The following ZNF251 variants were observed in gnomAD, a reference collection of about 807,000 sequenced individuals.
ZNF251 encodes zinc finger protein 251.
In ZNF251, 14 loss-of-function variants were observed where a neutral mutation model predicts 13.5. The ratio of observed to expected loss-of-function variants is 1.04; its 90% CI spans 0.69 to 1.63. ZNF251 has a LOEUF of 1.63. ZNF251 is among the 40% of genes most tolerant of loss of function. The pLI, the probability that ZNF251 is intolerant of heterozygous loss-of-function variation, is 0.00. For synonymous variants in ZNF251, 287 were observed against 295.2 expected, an observed-to-expected ratio of 0.97 and a Z score of 0.28; for missense variants, 764 against 834.9, an observed-to-expected ratio of 0.92 and a Z score of 1.05.
intron 4 of ZNF251, among the ~76,000 whole-genome samples, chr8:144,741,233 G>C (rs1214772875): frequency 6.6e-6 from 1 of 152,256 alleles, no homozygotes; most frequent in African/African-American, 2.4e-5. Context: ...CCCTGGGACA[G>C]GCCAACACAC....
chr8:144,748,692 C>A (rs1346707295), intron 4 of ZNF251, among the ~76,000 whole-genome samples: 1 of 152,134 alleles, frequency 6.6e-6, no homozygotes, highest in African/African-American at 2.4e-5. Context: ...TCTTGAGTAG[C>A]TGAGACTTAT....
intron 4 of ZNF251, among the ~76,000 whole-genome samples, chr8:144,738,302 A>G (rs1424312829): frequency 6.6e-6 from 1 of 152,186 alleles, no homozygotes; most frequent in African/African-American, 2.4e-5. Flanking sequence ...GAGCAGCTCA[A>G]TATGCCCCGT....
intron 4 of ZNF251, among the ~76,000 whole-genome samples, chr8:144,735,625 G>A (rs1355425026): frequency 6.6e-6 from 1 of 152,134 alleles, no homozygotes; most frequent in South Asian, 2.1e-4. Flanking sequence ...CGGGTGGGAA[G>A]GACGGGCGCA....
chr8:144,729,082 A>G (rs553341197), intron 4 of ZNF251, among the ~76,000 whole-genome samples: 1 of 118,372 alleles, frequency 8.4e-6, no homozygotes, highest in South Asian at 2.9e-4. Flanking sequence ...GCAAGACTCC[A>G]TCTATGGAAA....
chr8:144,752,228 C>T (rs1270549964), intron 4 of ZNF251, among the ~76,000 whole-genome samples: 1 of 151,700 alleles, frequency 6.6e-6, no homozygotes, highest in Non-Finnish European at 1.5e-5. Context: ...ATCTAACCCC[C>T]AAATGGCAGA....
chr8:144,746,556 G>A (rs971087885), intron 4 of ZNF251, among the ~76,000 whole-genome samples: 1 of 152,278 alleles, frequency 6.6e-6, no homozygotes, highest in Middle Eastern at 3.4e-3. Context: ...AGATTATAGA[G>A]AACTGGTATA....
chr8:144,755,120 G>A, intron 1 of ZNF251: 1 of 1,219,418 alleles, frequency 8.2e-7, no homozygotes, highest in Non-Finnish European at 1.0e-6. Context: ...AGAGCCACGT[G>A]AGGGTGCAGC....
chr8:144,737,753 AC>A (rs1348523768), intron 4 of ZNF251, among the ~76,000 whole-genome samples: 1 of 144,214 alleles, frequency 6.9e-6, no homozygotes, highest in Non-Finnish European at 1.5e-5. Flanking sequence ...AATGGCGTGA[AC>A]CCGGGAGGCA....
rs562753604 is a variant in ZNF251, at chr8:144,733,862, C to T, written c.278-10480G>A. 3.3e-5 allele frequency among the ~76,000 whole-genome samples: 5 copies of T among 152,354 alleles called. No homozygotes were observed. The East Asian group carries it at 9.6e-4, about 29-fold the overall frequency. ...AAGAAAAAAAGAAAAAACCCTGGAA[C>T]AGCTAACACCGTTGCTGGGAGGGAG... is the stretch of plus-strand genomic sequence containing the variant. On this transcript the variant is annotated intron_variant, in intron 4 of 4. Coordinates refer to ENST00000292562, the MANE Select transcript of ZNF251 (RefSeq NM_138367.2).
intron 4 of ZNF251, among the ~76,000 whole-genome samples, chr8:144,726,354 C>A (rs1021313162): frequency 6.6e-6 from 1 of 151,372 alleles, no homozygotes; most frequent in Non-Finnish European, 1.5e-5. Context: ...GCCAACATGG[C>A]AAAACCCCGT....
rs554745065 is a variant in ZNF251, at chr8:144,727,853, C to T, written c.278-4471G>A. ...TTTGAGACAGGGTCTCACTCTGTCA[C>T]CCAGGCTGGAGTGCAGTGGTGTGAT... On this transcript the variant is annotated intron_variant, in intron 4 of 4. Transcript: ENST00000292562. 3.9e-5 allele frequency among the ~76,000 whole-genome samples: 6 copies of T among 152,300 alleles called. No individual in the cohort carries two copies. The East Asian group carries it at 1.2e-3, about 29-fold the overall frequency.
At position 144,753,717 on chromosome 8, in the gene ZNF251, A is replaced by G. The variant is rs2130115450; in HGVS notation, c.243T>C (p.Ala81=). The G allele has an allele frequency of 6.3e-7, 1 of 1,596,288 alleles. No homozygotes were observed. The highest frequency in any genetic ancestry group is 8.5e-7 in the Non-Finnish European group (1 of 1,170,852). The part of the protein sequence containing the change: ...KELWVLNLLG[A]EEPDILKSCQ... ...AGCTTTTCAAGATATCTGGTTCCTCAGCTCCCAGAAGATTCAGGACCCAAA... is the reference window on the plus strand; with the variant it reads ...AGCTTTTCAAGATATCTGGTTCCTCGGCTCCCAGAAGATTCAGGACCCAAA... The change falls in exon 4 of 5, where the codon GCT becomes GCC. Residue 81 remains alanine, a synonymous_variant. Transcript: ENST00000292562.
At chr8:144,730,220 T>C (rs1823654452) in intron 4 of ZNF251, 5 of 616,508 alleles carry the variant, frequency 8.1e-6, no homozygotes, top group African/African-American at 2.0e-5. Context: ...CGCCAATCCC[T>C]GGACTGAAAG....
rs751467879 is a variant in ZNF251 at position 144,722,900 on chromosome 8, G to T, written c.760C>A (p.Leu254Met). 3 of 1,613,880 alleles carry T rather than the reference G, an allele frequency of 1.9e-6. No individual in the cohort carries two copies. The highest frequency in any genetic ancestry group is 2.7e-5 in the African/African-American group (2 of 74,924). Reference sequence around the variant, plus strand: ...TTTCCAGTGTGAATGTGATGGTGCAGAACAAGATTTGAGCTGTGAGTAAAG... The same window carrying T: ...TTTCCAGTGTGAATGTGATGGTGCATAACAAGATTTGAGCTGTGAGTAAAG... ...RAFTHSSNLV[L>M]HHHIHTGNKP... Residue 254 changes from leucine to methionine, a missense_variant, in exon 5 of 5, where the codon CTG (leucine) becomes ATG (methionine). Physicochemically the swap from Leu to Met is conservative, Grantham distance 15. Coordinates refer to ENST00000292562, the MANE Select transcript of ZNF251 (RefSeq NM_138367.2). The surrounding 1 kb of genome is among the most constrained non-coding windows in gnomAD (Gnocchi z 4.8).
chr8:144,740,826 G>A (rs538770957), intron 4 of ZNF251, among the ~76,000 whole-genome samples: 10 of 151,888 alleles, frequency 6.6e-5, no homozygotes, highest in African/African-American at 1.4e-4. Context: ...CCAGCTACTC[G>A]GGAGGCTGAG....
Position 144,722,113 on chromosome 8 carries a change from C to A in ZNF251, c.1547G>T (p.Arg516Leu). The stretch of plus-strand genomic sequence containing the variant: ...GGCTGGACCATGTTTTCTGCACTTA[C>A]GAGTCTCTCCGCTGTGAACTTTCTG... ...QHQKVHSGET[R>L]KCRKHGPAFV... The change falls in exon 5 of 5, where the codon CGT (arginine) becomes CTT (leucine). Residue 516 changes from arginine to leucine, a missense_variant. Arg to Leu is a moderately radical substitution (Grantham distance 102, BLOSUM62 -2). Transcript: ENST00000292562. This position sits in a 1 kb window ranked among gnomAD's most constrained non-coding sequence, Gnocchi z 4.8. 4 of 1,613,944 alleles carry A rather than the reference C, an allele frequency of 2.5e-6. No homozygotes were observed. Among genetic ancestry groups the A allele is most frequent in the Non-Finnish European group, 3.4e-6 (4 of 1,179,902 alleles).
chr8:144,754,384 G>T (rs775305649), intron 2 of ZNF251, 63 bp from the exon 3 acceptor site: 1 of 1,499,824 alleles, frequency 6.7e-7, no homozygotes. Context: ...CACTAAAAGG[G>T]CCCTGACCTG....
At position 144,738,585 on chromosome 8, in the gene ZNF251, T is replaced by C. The variant is rs757723551; in HGVS notation, c.277+15098A>G. ...GGTGTTGGAGGACCAATCAGTCAAATTGGCAGCCTCGTGATGCAACATGCC... is the reference window on the plus strand; with the variant it reads ...GGTGTTGGAGGACCAATCAGTCAAACTGGCAGCCTCGTGATGCAACATGCC... On this transcript the variant is annotated intron_variant, in intron 4 of 4. Transcript: ENST00000292562. The C allele has an allele frequency of 1.2e-5, 12 of 985,340 alleles. No individual in the cohort carries two copies. In the Admixed American group the frequency reaches 1.8e-4, roughly 15 times the overall value. The allele number at this position is 985,340 out of a possible 1,614,324, so 61.0% of individuals were successfully genotyped here.
chr8:144,746,929 A>G (rs1824456895), intron 4 of ZNF251, among the ~76,000 whole-genome samples: 1 of 151,402 alleles, frequency 6.6e-6, no homozygotes, highest in African/African-American at 2.4e-5. Context: ...GGTTTCGTTG[A>G]TTTTCTCTAT....
Sources: allele counts gnomAD v4.1 joint callset (sites outside exome capture counted in the v4.1 genomes callset), GRCh38; gene constraint gnomAD v4.1.1; non-coding constraint Gnocchi (gnomAD v3.1); transcripts MANE v1.5; gene names NCBI Gene and HGNC (gene_info 2026-07-23, HGNC 2026-07-21).